Variants in DNAH11 observed in about 807,000 individuals in gnomAD.
The protein encoded by DNAH11 is axonemal beta dynein heavy chain 11.
Under a neutral mutation model 526.0 loss-of-function variants are expected in DNAH11, and 442 were observed. That is an observed-to-expected ratio of 0.84 (90% confidence interval 0.78 to 0.91). DNAH11 has a LOEUF of 0.91. DNAH11 is among the 40% of genes least tolerant of loss of function. The pLI, the probability that DNAH11 is intolerant of heterozygous loss-of-function variation, is 0.00. For synonymous variants in DNAH11, 2,461 were observed against 1,935.9 expected, an observed-to-expected ratio of 1.27 and a Z score of -7.12; for missense variants, 6,989 against 5,448.7, an observed-to-expected ratio of 1.28 and a Z score of -8.90.
chr7:21,543,350 C>CGAG lies in DNAH11; in HGVS notation c.118_120dup (p.Glu40dup), dbSNP rs754826899. On this transcript the variant is annotated inframe_insertion, in exon 1 of 82. Coordinates refer to ENST00000409508, the MANE Select transcript of DNAH11 (RefSeq NM_001277115.2). ...TGGAGGCAGTGGGCGCTGTGGAGCT[C>CGAG]GAGGAGGAGGAGGAGAACGAGGAGG... 1.4e-5 allele frequency: 22 copies of CGAG among 1,517,290 alleles called. No individual in the cohort carries two copies. Among genetic ancestry groups the CGAG allele is most frequent in the African/African-American group, 5.5e-5 (4 of 72,256 alleles). The allele number at this position is 1,517,290 out of a possible 1,614,324, so 94.0% of individuals were successfully genotyped here. A position where few individuals can be genotyped will look rare whatever the true frequency, so the allele number is the denominator to read the frequency against.
intron 42 of DNAH11, among the ~76,000 whole-genome samples, chr7:21,712,867 C>T (rs538485362): frequency 3.5e-4 from 54 of 152,216 alleles, no homozygotes; most frequent in African/African-American, 1.2e-3. Flanking sequence ...CACTGGAATG[C>T]CTTTGTCATT....
chr7:21,588,808 A>G (rs1449977525), intron 11 of DNAH11, among the ~76,000 whole-genome samples, 172 bp downstream of exon 11: 1 of 152,166 alleles, frequency 6.6e-6, no homozygotes, highest in Non-Finnish European at 1.5e-5. Context: ...AATATTTCTA[A>G]TGGGACTCTT....
chr7:21,718,167 A>C (rs1052566042), intron 43 of DNAH11, among the ~76,000 whole-genome samples: 1 of 150,218 alleles, frequency 6.7e-6, no homozygotes, highest in Non-Finnish European at 1.5e-5. Context: ...TTGTGAAAGA[A>C]GGTTAGAACC....
chr7:21,657,184 G>A (rs1277229511), intron 29 of DNAH11, among the ~76,000 whole-genome samples: 1 of 151,356 alleles, frequency 6.6e-6, no homozygotes, highest in Non-Finnish European at 1.5e-5. Context: ...GTGCTTTTTT[G>A]TATTTCTGCC....
intron 28 of DNAH11, among the ~76,000 whole-genome samples, chr7:21,640,136 G>A (rs1389590591): frequency 1.3e-5 from 2 of 152,132 alleles, no homozygotes; most frequent in African/African-American, 4.8e-5. Context: ...CACCACTCAG[G>A]TAGTATTGTT....
chr7:21,616,239 T>C lies in DNAH11; in HGVS notation c.4042T>C (p.Trp1348Arg). ...RSIDNWTKTQ[W>R]RQIHVEQMDV... ...CATTGATAATTGGACTAAAACCCAG[T>C]GGAGACAGATTCATGTGGAACAGAT... is the stretch of plus-strand genomic sequence containing the variant. Residue 1348 changes from tryptophan to arginine, a missense_variant, in exon 22 of 82, where the codon TGG (tryptophan) becomes CGG (arginine). Physicochemically the swap from Trp to Arg is moderately radical, Grantham distance 101. Transcript: ENST00000409508. 3.7e-6 allele frequency: 6 copies of C among 1,613,728 alleles called. No homozygotes were observed. The highest frequency in any genetic ancestry group is 4.2e-6 in the Non-Finnish European group (5 of 1,179,724).
At chr7:21,842,859 C>A (rs1421837771) in intron 66 of DNAH11, 111 bp downstream of exon 66, 19 of 927,592 alleles carry the variant, frequency 2.0e-5, no homozygotes, top group Admixed American at 1.2e-4. Flanking sequence ...AATCCTGCAA[C>A]CTAATTGGGA....
chr7:21,728,816 C>T (rs1218008821), intron 45 of DNAH11, among the ~76,000 whole-genome samples: 1 of 152,240 alleles, frequency 6.6e-6, no homozygotes, highest in African/African-American at 2.4e-5. Flanking sequence ...AAAGGGGTCA[C>T]AGGTCCCAAG....
At chr7:21,651,096 C>T (rs952248662) in intron 28 of DNAH11, among the ~76,000 whole-genome samples, 13 of 152,016 alleles carry the variant, frequency 8.6e-5, no homozygotes, top group African/African-American at 3.1e-4. Flanking sequence ...ATATTTTGGT[C>T]ATGATTTATA....
chr7:21,807,986 C>T lies in DNAH11; in HGVS notation c.10269C>T (p.Pro3423=). ...CGGCATTTGTGTCTTACGTCGGACC[C>T]TTCACAAGGCAGTATCGCCAGGAGC... The part of the protein sequence containing the change: ...LTAAFVSYVG[P]FTRQYRQELV... Residue 3423 remains proline, a synonymous_variant, in exon 63 of 82, where the codon CCC becomes CCT. Transcript: ENST00000409508. 6.3e-7 allele frequency: 1 copy of T among 1,596,954 alleles called. No individual in the cohort carries two copies. Among genetic ancestry groups the T allele is most frequent in the South Asian group, 1.1e-5 (1 of 88,170 alleles).
chr7:21,880,110 G>C (rs1043521613), intron 74 of DNAH11, among the ~76,000 whole-genome samples: 3 of 149,228 alleles, frequency 2.0e-5, no homozygotes, highest in Non-Finnish European at 4.5e-5. Flanking sequence ...AAGAAAGAAA[G>C]AAAAAAAGGG....
chr7:21,864,478 T>G, intron 69 of DNAH11, 57 bp from the exon 70 acceptor site: 1 of 1,574,300 alleles, frequency 6.4e-7, no homozygotes, highest in South Asian at 1.2e-5. Context: ...GACTACTTCC[T>G]GTGTGACGAT....
intron 26 of DNAH11, among the ~76,000 whole-genome samples, chr7:21,637,142 G>C (rs1409749047): frequency 6.6e-6 from 1 of 151,900 alleles, no homozygotes; most frequent in African/African-American, 2.4e-5. Flanking sequence ...TTATATGTAG[G>C]TATGCTTTTT....
chr7:21,690,664 CA>C, intron 34 of DNAH11, 100 bp from the exon 35 acceptor site: 1 of 814,784 alleles, frequency 1.2e-6, no homozygotes, highest in Non-Finnish European at 2.0e-6. Context: ...ACAGAATAAA[CA>C]GCTTCCTAAT....
intron 64 of DNAH11, among the ~76,000 whole-genome samples, chr7:21,817,027 C>T (rs1032514478): frequency 2.0e-5 from 3 of 152,064 alleles, no homozygotes; most frequent in African/African-American, 7.2e-5. Flanking sequence ...GATAGTAACA[C>T]AAGAATTGTC....
chr7:21,700,959 G>A (rs768695580), intron 36 of DNAH11, among the ~76,000 whole-genome samples: 20 of 152,260 alleles, frequency 1.3e-4, no homozygotes, highest in African/African-American at 4.3e-4. Context: ...GAGCCTGTTG[G>A]GGGTGGAGGG....
chr7:21,742,155 A>T lies in DNAH11; in HGVS notation c.8143A>T (p.Asn2715Tyr), dbSNP rs549585242. Residue 2715 changes from asparagine to tyrosine, a missense_variant, in exon 49 of 82, where the codon AAC becomes TAC. Coordinates refer to ENST00000409508, the MANE Select transcript of DNAH11 (RefSeq NM_001277115.2). ...HYIFNLRDLS[N>Y]VFQGILFASP... ...CATCTTTAATCTGAGAGATTTATCA[A>T]ACGTCTTCCAGGTACCTTGACTGCT... is the stretch of plus-strand genomic sequence containing the variant. 1 of 1,613,766 alleles carries T rather than the reference A, an allele frequency of 6.2e-7. No individual in the cohort carries two copies. Among genetic ancestry groups the T allele is most frequent in the South Asian group, 1.1e-5 (1 of 91,074 alleles).
Position 21,786,639 on chromosome 7 carries a change from C to CT in DNAH11, c.9614dup (p.Lys3206GlufsTer37). ...TTTTCTTCAGGTCAACCTCAGTGAG[C>CT]TGAAAGCCTTTCCCAACCCTCCCAT... On this transcript the variant is annotated frameshift_variant, in exon 59 of 82. Transcript: ENST00000409508. LOFTEE classifies it high-confidence loss of function. 1 of 1,613,084 alleles carries CT rather than the reference C, an allele frequency of 6.2e-7. No individual in the cohort carries two copies. The highest frequency in any genetic ancestry group is 8.5e-7 in the Non-Finnish European group (1 of 1,179,282).
chr7:21,694,299 T>A (rs530528606), intron 35 of DNAH11, among the ~76,000 whole-genome samples: 120 of 152,160 alleles, frequency 7.9e-4, no homozygotes, highest in African/African-American at 2.6e-3. Flanking sequence ...ATCATCTAGG[T>A]TTTAAGCCCT....
Sources: allele counts gnomAD v4.1 joint callset (sites outside exome capture counted in the v4.1 genomes callset), GRCh38; gene constraint gnomAD v4.1.1; transcripts MANE v1.5; gene names NCBI Gene and HGNC (gene_info 2026-07-23, HGNC 2026-07-21).